Variants in CHMP1A observed in about 807,000 individuals in gnomAD.
The protein encoded by CHMP1A is VPS46 homolog A.
A neutral mutation model predicts 27.0 loss-of-function variants in CHMP1A; 17 were observed. That is an observed-to-expected ratio of 0.63 (90% confidence interval 0.43 to 0.95). The LOEUF (loss-of-function observed/expected upper bound fraction) is 0.95. Among genes scored for constraint, CHMP1A ranks in the 40% least tolerant of loss-of-function variants. The probability of loss-of-function intolerance (pLI) is 0.00; values close to 1 mark genes in which losing one functional copy is unlikely to be tolerated. For missense variants in CHMP1A, 275 were observed against 264.0 expected (o/e 1.04, Z -0.29); for synonymous variants, 131 against 107.5 (o/e 1.22, Z -1.35).
chr16:89,656,280 G>T (rs1172554273), intron 1 of CHMP1A, among the ~76,000 whole-genome samples: 1 of 152,150 alleles, frequency 6.6e-6, no homozygotes, highest in Non-Finnish European at 1.5e-5. Flanking sequence ...GGGACTACAG[G>T]CACCCGCCAC....
Position 89,645,822 on chromosome 16 carries a change from GC to G in CHMP1A, c.*243del, listed in dbSNP as rs2059769093. ...GCCCCTCTTGGCCTCCCCGCTGTGG[GC>G]CCAGAGTCACAGAAATCACCCCCAG... On this transcript the variant is annotated 3_prime_UTR_variant, in exon 7 of 7. Coordinates refer to ENST00000397901, the MANE Select transcript of CHMP1A (RefSeq NM_002768.5). 1 of 1,313,486 alleles carries G rather than the reference GC, an allele frequency of 7.6e-7. No individual in the cohort carries two copies. Among genetic ancestry groups the G allele is most frequent in the Admixed American group, 2.4e-5 (1 of 41,362 alleles). 81.4% of individuals were successfully genotyped at this position (1,313,486 alleles called of 1,614,324 possible).
intron 4 of CHMP1A, among the ~76,000 whole-genome samples, chr16:89,647,647 G>GGGTCTCCA (rs2059787688): frequency 1.6e-5 from 1 of 61,774 alleles, no homozygotes; most frequent in Non-Finnish European, 3.9e-5. Context: ...CGCCGACGTG[G>GGGTCTCCA]GGACCCAGCG....
chr16:89,649,060 T>C (rs2151513442), intron 4 of CHMP1A: 1 of 380,206 alleles, frequency 2.6e-6, no homozygotes, highest in Non-Finnish European at 4.6e-6. Context: ...AGCCCAAGTC[T>C]TATCAAGAGG....
rs765346138 is a variant in CHMP1A at position 89,657,604 on chromosome 16, A to C, written c.-16T>G. The C allele has an allele frequency of 3.1e-6, 5 of 1,611,076 alleles. No individual in the cohort carries two copies. The highest frequency in any genetic ancestry group is 1.7e-4 in the Middle Eastern group (1 of 6,056). On this transcript the variant is annotated 5_prime_UTR_variant, in exon 1 of 7. Coordinates refer to ENST00000397901, the MANE Select transcript of CHMP1A (RefSeq NM_002768.5). ...TACCGTCCATGGCCACAATGACAGG[A>C]GCAGCACTCGGAGAGGGAGAAGGGA...
intron 3 of CHMP1A, among the ~76,000 whole-genome samples, chr16:89,651,223 T>G (rs2059820757): frequency 6.6e-6 from 1 of 151,658 alleles, no homozygotes; most frequent in Admixed American, 6.6e-5. Context: ...ACAAAAAAAT[T>G]AAAAAATTAG....
In CHMP1A at chr16:89,647,184, A is replaced by G. The variant is rs1170204794; in HGVS notation, c.381+19T>C. ...CTCCTTGTCCCCAGGCCACAGCCCC[A>G]AGGGTAGGGGCCACATACCGATGTA... On this transcript the variant is annotated intron_variant, in intron 5 of 6. Transcript: ENST00000397901. 3.1e-6 allele frequency: 5 copies of G among 1,606,474 alleles called. No individual in the cohort carries two copies.
At chr16:89,657,027 G>T (rs1568006807) in intron 1 of CHMP1A, among the ~76,000 whole-genome samples, 1 of 150,906 alleles carries the variant, frequency 6.6e-6, no homozygotes, top group African/African-American at 2.4e-5. Context: ...GGGGATGGAG[G>T]CCCCGGGGAA....
chr16:89,653,584 A>ATGCAC (rs2059841548), intron 2 of CHMP1A, among the ~76,000 whole-genome samples: 1 of 148,534 alleles, frequency 6.7e-6, no homozygotes, highest in South Asian at 2.2e-4. Context: ...GATCACGCCA[A>ATGCAC]TGCACTCCAG....
chr16:89,647,066 A>G, intron 5 of CHMP1A, 137 bp downstream of exon 5: 18 of 1,533,126 alleles, frequency 1.2e-5, no homozygotes, highest in Non-Finnish European at 1.5e-5. Context: ...CCCAGCACAG[A>G]GGATGCTTGG....
intron 1 of CHMP1A, among the ~76,000 whole-genome samples, chr16:89,655,397 TCAGCTTTCCCTCACC>T (rs2059856818): frequency 4.0e-5 from 6 of 151,198 alleles, no homozygotes; most frequent in Admixed American, 3.3e-4. Flanking sequence ...TTCCCTCACC[TCAGCTTTCCCTCACC>T]TCAGCTTTCC....
intron 1 of CHMP1A, among the ~76,000 whole-genome samples, chr16:89,654,942 CAA>C (rs11322145): frequency 4.1e-5 from 6 of 147,476 alleles, no homozygotes; most frequent in African/African-American, 5.0e-5. Context: ...GACTCCGTCT[CAA>C]AAAAAAAAAG....
chr16:89,657,524 T>C (rs1162919614), intron 1 of CHMP1A, 58 bp downstream of exon 1: 6 of 1,600,688 alleles, frequency 3.7e-6, no homozygotes, highest in Non-Finnish European at 5.1e-6. Context: ...CCCACGCCAG[T>C]GGGAGAAGCG....
rs567580372 is a variant in CHMP1A, at chr16:89,645,890, C to T, written c.*176G>A. The T allele has an allele frequency of 6.3e-7, 1 of 1,590,834 alleles. No homozygotes were observed. The highest frequency in any genetic ancestry group is 1.1e-5 in the South Asian group (1 of 87,500). On this transcript the variant is annotated 3_prime_UTR_variant, in exon 7 of 7. Coordinates refer to ENST00000397901, the MANE Select transcript of CHMP1A (RefSeq NM_002768.5). The stretch of plus-strand genomic sequence containing the variant: ...AACACCAGGACACAGACCCACCGCC[C>T]AACCTAAAAGAACAGGAACAACCCT...
intron 3 of CHMP1A, among the ~76,000 whole-genome samples, chr16:89,649,896 C>A (rs1373230551): frequency 6.6e-6 from 1 of 151,604 alleles, no homozygotes; most frequent in Non-Finnish European, 1.5e-5. Context: ...AGTGTTGAGG[C>A]GGTGGGCGGG....
In CHMP1A at chr16:89,645,196, C is replaced by G. The variant is rs891494039; in HGVS notation, c.*870G>C. On this transcript the variant is annotated 3_prime_UTR_variant, in exon 7 of 7. Transcript: ENST00000397901. Reference sequence around the variant, plus strand: ...TGGTAGAGGGTGACACAGGCAGCATCGTCATGAAGCAGGGCCCCAAGGAAA... The same window carrying G: ...TGGTAGAGGGTGACACAGGCAGCATGGTCATGAAGCAGGGCCCCAAGGAAA... 8.5e-5 allele frequency: 13 copies of G among 152,408 alleles called. No individual in the cohort carries two copies. The highest frequency in any genetic ancestry group is 3.1e-4 in the African/African-American group (13 of 41,452). 9.4% of individuals were successfully genotyped at this position (152,408 alleles called of 1,614,324 possible). A position where few individuals can be genotyped will look rare whatever the true frequency, so the allele number is the denominator to read the frequency against.
At chr16:89,652,743 A>G (rs1217609030) in intron 2 of CHMP1A, among the ~76,000 whole-genome samples, 2 of 152,182 alleles carry the variant, frequency 1.3e-5, no homozygotes, top group East Asian at 1.9e-4. Context: ...GTGATGGGAA[A>G]ACATCCCAAA....
At chr16:89,650,405 C>A (rs983299221) in intron 3 of CHMP1A, among the ~76,000 whole-genome samples, 3 of 152,298 alleles carry the variant, frequency 2.0e-5, no homozygotes. Flanking sequence ...TGGAGAGGCA[C>A]CCCTGTAAGC....
intron 3 of CHMP1A, among the ~76,000 whole-genome samples, chr16:89,649,886 A>G (rs1468733067): frequency 2.6e-5 from 4 of 152,026 alleles, no homozygotes; most frequent in Admixed American, 2.6e-4. Context: ...CTAGGAGCCC[A>G]GTGTTGAGGC....
At chr16:89,654,219 C>T (rs1418892209) in intron 1 of CHMP1A, among the ~76,000 whole-genome samples, 1 of 152,208 alleles carries the variant, frequency 6.6e-6, no homozygotes, top group African/African-American at 2.4e-5. Flanking sequence ...AGTGTGAGGA[C>T]AGAAGAGGTC....
Sources: gnomAD v4.1 joint callset for allele counts (sites outside exome capture counted in the v4.1 genomes callset) on GRCh38, gnomAD v4.1.1 for gene constraint, MANE v1.5 for transcripts, NCBI Gene and HGNC (gene_info 2026-07-23, HGNC 2026-07-21) for gene names.